The following CNTNAP2 variants were observed in gnomAD, a reference collection of about 807,000 sequenced individuals.
The protein encoded by CNTNAP2 is contactin-associated protein-like 2.
CNTNAP2 carries 98 observed loss-of-function variants against 155.2 expected under a neutral mutation model. The observed-to-expected ratio is 0.63, with a 90% CI of 0.54 to 0.75. The LOEUF is 0.75. CNTNAP2 is among the 30% of genes least tolerant of loss of function. CNTNAP2 has a pLI of 0.00. For synonymous variants in CNTNAP2, 651 were observed against 631.2 expected (o/e 1.03, Z -0.47); for missense variants, 1,727 against 1,688.1 (o/e 1.02, Z -0.40).
At chr7:146,781,652 T>G (rs2129187266) in intron 2 of CNTNAP2, among the ~76,000 whole-genome samples, 1 of 152,278 alleles carries the variant, frequency 6.6e-6, no homozygotes, top group African/African-American at 2.4e-5. Flanking sequence ...AAAACCTTAT[T>G]CTACTCTTGA....
At chr7:147,405,671 G>A (rs562911398) in intron 10 of CNTNAP2, among the ~76,000 whole-genome samples, 89 of 152,204 alleles carry the variant, frequency 5.8e-4, no homozygotes, top group African/African-American at 2.1e-3. Flanking sequence ...AAAGTTTCTG[G>A]TAAAATCAAA....
rs146679404 is a variant in CNTNAP2 at position 147,335,797 on chromosome 7, A to C, written c.1498+35507A>C. Reference sequence around the variant, plus strand: ...TGGATTACTGTACTCTTTTATTTTTAAATTTAGCCTTATTATTCCCAACAG... The same window carrying C: ...TGGATTACTGTACTCTTTTATTTTTCAATTTAGCCTTATTATTCCCAACAG... On this transcript the variant is annotated intron_variant, in intron 9 of 23. Transcript: ENST00000361727. Among the ~76,000 whole-genome samples, 131 of 152,290 alleles carry C rather than the reference A, an allele frequency of 8.6e-4. 1 individual carries two copies. In the East Asian group the frequency reaches 0.024, roughly 28 times the overall value.
At chr7:147,462,269 A>G (rs1244812939) in intron 10 of CNTNAP2, among the ~76,000 whole-genome samples, 1 of 152,208 alleles carries the variant, frequency 6.6e-6, no homozygotes, top group Non-Finnish European at 1.5e-5. Flanking sequence ...CACTTCCTGC[A>G]TTGCACGGAA....
chr7:146,763,642 G>C (rs140614077), intron 1 of CNTNAP2, among the ~76,000 whole-genome samples: 1 of 152,142 alleles, frequency 6.6e-6, no homozygotes, highest in African/African-American at 2.4e-5. Flanking sequence ...TTTCCAAGCT[G>C]TAGAAAATAG....
chr7:147,896,610 G>C (rs1321884927), intron 13 of CNTNAP2, among the ~76,000 whole-genome samples: 1 of 152,118 alleles, frequency 6.6e-6, no homozygotes, highest in Non-Finnish European at 1.5e-5. Context: ...TCCTGGATGG[G>C]AGGCACCAGA....
At chr7:147,594,125 CTT>C (rs397827040) in intron 12 of CNTNAP2, among the ~76,000 whole-genome samples, 12 of 120,058 alleles carry the variant, frequency 1.0e-4, no homozygotes, top group Admixed American at 1.9e-4. Flanking sequence ...TCTGGTGTCT[CTT>C]TTTTTTTTTT....
chr7:146,605,587 T>C (rs1799033487), intron 1 of CNTNAP2, among the ~76,000 whole-genome samples: 4 of 152,210 alleles, frequency 2.6e-5, no homozygotes, highest in Admixed American at 2.6e-4. Context: ...ATGTAAACTC[T>C]CATGAATATT....
At chr7:147,292,167 GT>G (rs1458874286) in intron 8 of CNTNAP2, among the ~76,000 whole-genome samples, 1 of 152,022 alleles carries the variant, frequency 6.6e-6, no homozygotes, top group Non-Finnish European at 1.5e-5. Context: ...AAAATATTCT[GT>G]TTTCTTAGGT....
At chr7:147,533,301 G>A (rs1044223858) in intron 11 of CNTNAP2, among the ~76,000 whole-genome samples, 15 of 152,110 alleles carry the variant, frequency 9.9e-5, no homozygotes, top group African/African-American at 3.4e-4. Flanking sequence ...TATTACAGAA[G>A]GTTGTGAATT....
chr7:146,954,358 C>T (rs1797388887), intron 3 of CNTNAP2, among the ~76,000 whole-genome samples: 1 of 151,842 alleles, frequency 6.6e-6, no homozygotes, highest in Non-Finnish European at 1.5e-5. Flanking sequence ...AAATGCTGCA[C>T]TAATGGCTCA....
intron 1 of CNTNAP2, among the ~76,000 whole-genome samples, chr7:146,610,998 A>C (rs1489681375): frequency 1.3e-5 from 2 of 152,260 alleles, no homozygotes; most frequent in African/African-American, 2.4e-5. Context: ...CTAAAAGAGC[A>C]TCAGAAATGG....
chr7:146,323,879 A>G (rs995553462), intron 1 of CNTNAP2, among the ~76,000 whole-genome samples: 1 of 152,094 alleles, frequency 6.6e-6, no homozygotes, highest in Admixed American at 6.6e-5. Flanking sequence ...GTATCACTTG[A>G]CCCTAAGAGC....
intron 1 of CNTNAP2, among the ~76,000 whole-genome samples, chr7:146,126,920 C>T (rs1797645694): frequency 6.6e-6 from 1 of 152,172 alleles, no homozygotes; most frequent in Non-Finnish European, 1.5e-5. Context: ...TCCCTCCAGG[C>T]ATTAATTTAG....
chr7:147,518,904 G>A (rs567473870), intron 11 of CNTNAP2, among the ~76,000 whole-genome samples: 130 of 151,528 alleles, frequency 8.6e-4, no homozygotes, highest in African/African-American at 3.1e-3. Context: ...GGTGGCGGGC[G>A]CCTGTAGTTC....
At chr7:148,281,939 A>G (rs552230924) in intron 21 of CNTNAP2, among the ~76,000 whole-genome samples, 4 of 149,392 alleles carry the variant, frequency 2.7e-5, no homozygotes, top group Admixed American at 6.8e-5. Context: ...GGGTTCAAGC[A>G]ATTCTCCTGT....
At chr7:146,871,816 T>C (rs1476676285) in intron 3 of CNTNAP2, among the ~76,000 whole-genome samples, 1 of 151,962 alleles carries the variant, frequency 6.6e-6, no homozygotes, top group African/African-American at 2.4e-5. Context: ...TGAGAAACTA[T>C]GCAAATCTCA....
At chr7:147,869,198 C>T (rs1420739303) in intron 13 of CNTNAP2, among the ~76,000 whole-genome samples, 1 of 152,194 alleles carries the variant, frequency 6.6e-6, no homozygotes, top group East Asian at 1.9e-4. Flanking sequence ...TCAACAGCTA[C>T]AGTGATCCTG....
In CNTNAP2 at chr7:146,507,145, G is replaced by C. The variant is rs200694636; in HGVS notation, c.98-267126G>C. ...GAACATACTTGCTCCCCAACTATTGGGTAAGTTGTCCACACAATGACTGTA... is the reference window on the plus strand; with the variant it reads ...GAACATACTTGCTCCCCAACTATTGCGTAAGTTGTCCACACAATGACTGTA... On this transcript the variant is annotated intron_variant, in intron 1 of 23. Coordinates refer to ENST00000361727, the MANE Select transcript of CNTNAP2 (RefSeq NM_014141.6). 9.9e-5 allele frequency among the ~76,000 whole-genome samples: 15 copies of C among 152,274 alleles called. No individual in the cohort carries two copies. In the East Asian group the frequency reaches 2.7e-3, roughly 27 times the overall value.
intron 1 of CNTNAP2, among the ~76,000 whole-genome samples, chr7:146,296,709 T>C (rs972830155): frequency 1.3e-5 from 2 of 151,232 alleles, no homozygotes; most frequent in African/African-American, 2.5e-5. Context: ...ATAAATTAAT[T>C]TGGCCACGTA....
Sources: allele counts gnomAD v4.1 joint callset (sites outside exome capture counted in the v4.1 genomes callset), GRCh38; gene constraint gnomAD v4.1.1; transcripts MANE v1.5; gene names NCBI Gene and HGNC (gene_info 2026-07-23, HGNC 2026-07-21).